Variants in SPATA31C2 observed in about 807,000 individuals in gnomAD.
SPATA31C2 encodes the protein SPATA31 subfamily C member 2, also known as spermatogenesis-associated protein 31C2.
SPATA31C2 carries 5 observed loss-of-function variants against 11.4 expected under a neutral mutation model. That is an observed-to-expected ratio of 0.44 (90% confidence interval 0.23 to 0.92). SPATA31C2 has a LOEUF of 0.92. SPATA31C2 is among the 40% of genes least tolerant of loss of function. The pLI, the probability that SPATA31C2 is intolerant of heterozygous loss-of-function variation, is 0.24. For synonymous variants in SPATA31C2, 515 were observed against 538.7 expected (o/e 0.96, Z 0.61); for missense variants, 1,353 against 1,368.6 (o/e 0.99, Z 0.18).
At position 88,130,452 on chromosome 9, in the gene SPATA31C2, C is replaced by A. The variant is rs765727116; in HGVS notation, c.2585G>T (p.Gly862Val). 2 of 1,613,306 alleles carry A rather than the reference C, an allele frequency of 1.2e-6. No individual in the cohort carries two copies. Among genetic ancestry groups the A allele is most frequent in the Admixed American group, 1.7e-5 (1 of 59,954 alleles). Residue 862 changes from glycine to valine, a missense_variant, in exon 4 of 4, where the codon GGA (glycine) becomes GTA (valine). Physicochemically the swap from Gly to Val is moderately radical, Grantham distance 109 (BLOSUM62 -3). This residue lies in a region of SPATA31C2 where 1,075 missense variants were observed against 992.8 expected (regional missense o/e 1.08). Transcript: ENST00000324915. ...MEEAVSEFEP[G>V]KATKSETQPQ... ...CTGGGTCTCTGACTTCGTGGCCTTT[C>A]CAGGCTCAAATTCACTAACAGCCTC...
chr9:88,132,878 C>T, intron 3 of SPATA31C2, 88 bp downstream of exon 3: 1 of 1,327,434 alleles, frequency 7.5e-7, no homozygotes, highest in Non-Finnish European at 1.0e-6. Context: ...CTGGTCTCTC[C>T]ATCCCAGGTC....
chr9:88,129,703 C>G lies in SPATA31C2; in HGVS notation c.3334G>C (p.Ala1112Pro), dbSNP rs775167551. 5.0e-6 allele frequency: 8 copies of G among 1,603,500 alleles called. No individual in the cohort carries two copies. In the African/African-American group the frequency reaches 1.1e-4, roughly 21 times the overall value. Residue 1112 changes from alanine (A) to proline (P), a missense_variant, in exon 4 of 4, where the codon GCC (alanine) becomes CCC (proline). By Grantham distance (27) the Ala-to-Pro change is conservative. This residue lies in a region of SPATA31C2 where 187 missense variants were observed against 205.8 expected (regional missense o/e 0.91). Transcript: ENST00000324915. ...TTGAGAGTGGCTTGTTGACTGCTGG[C>G]TGCATAGCTCAGCATTCTGCTGTGT... Reference protein sequence around the residue: ...SEHSRMLSYAASSQQATLKNQ... With the variant: ...SEHSRMLSYAPSSQQATLKNQ...
Position 88,131,855 on chromosome 9 carries a change from A to G in SPATA31C2, c.1182T>C (p.Thr394=). The G allele has an allele frequency of 6.2e-7, 1 of 1,611,068 alleles. No individual in the cohort carries two copies. The highest frequency in any genetic ancestry group is 8.5e-7 in the Non-Finnish European group (1 of 1,179,188). The part of the protein sequence containing the change: ...NKVQALSLPE[T]QHPERPLLKK... ...TCAACAAAGGCCTTTCAGGGTGCTG[A>G]GTTTCAGGTAGGGAGAGAGCTTGCA... The change falls in exon 4 of 4, where the codon ACT becomes ACC. Residue 394 remains threonine (T), a synonymous_variant. Transcript: ENST00000324915.
intron 1 of SPATA31C2, among the ~76,000 whole-genome samples, chr9:88,136,756 C>G (rs1825687745): frequency 1.5e-5 from 2 of 134,112 alleles, no homozygotes; most frequent in South Asian, 2.4e-4. Flanking sequence ...TTCTTATTGT[C>G]TACCATCCCC....
rs768366958 is a variant in SPATA31C2 at position 88,129,841 on chromosome 9, TCTC to T, written c.3193_3195del (p.Glu1065del). The stretch of plus-strand genomic sequence containing the variant: ...TGGCGCGCATGGCAAAGTGACATGT[TCTC>T]CTCCAGTATCTGTCCAACTGCTGTC... On this transcript the variant is annotated inframe_deletion, in exon 4 of 4. Transcript: ENST00000324915. 3.7e-6 allele frequency: 6 copies of T among 1,604,824 alleles called. No individual in the cohort carries two copies. The highest frequency in any genetic ancestry group is 2.2e-5 in the South Asian group (2 of 90,972).
Position 88,131,455 on chromosome 9 carries a change from G to T in SPATA31C2, c.1582C>A (p.Leu528Ile), listed in dbSNP as rs746411632. 28 of 1,611,788 alleles carry T rather than the reference G, an allele frequency of 1.7e-5. No homozygotes were observed. In the South Asian group the frequency reaches 2.9e-4, roughly 16 times the overall value. Residue 528 changes from leucine (L) to isoleucine (I), a missense_variant, in exon 4 of 4, where the codon CTA (leucine) becomes ATA (isoleucine). Coordinates refer to ENST00000324915, the MANE Select transcript of SPATA31C2 (RefSeq NM_001350978.3). Reference protein sequence around the residue: ...GQILGETPQNLSRGMESFPGK... With the variant: ...GQILGETPQNISRGMESFPGK... ...GGGAAGCTTTCCATGCCCCTGGATA[G>T]ATTTTGTGGGGTCTCACCCAGAATT...
In SPATA31C2 at chr9:88,130,939, T is replaced by C. The variant is rs748447025; in HGVS notation, c.2098A>G (p.Lys700Glu). The change falls in exon 4 of 4, where the codon AAA becomes GAA. Residue 700 changes from lysine to glutamate, a missense_variant. Lys to Glu is a moderately conservative substitution (Grantham distance 56). This residue lies in a region of SPATA31C2 where 1,075 missense variants were observed against 992.8 expected (regional missense o/e 1.08). Transcript: ENST00000324915. ...CCAAGGAACGTGGCCACCTCAACTT[T>C]TGAGCCAGCCCCAGATTCGCAGGTG... ...SDTCESGAGS[K>E]VEVATFLGEP... 16 of 1,613,466 alleles carry C rather than the reference T, an allele frequency of 9.9e-6. No individual in the cohort carries two copies. In the African/African-American group the frequency reaches 2.1e-4, roughly 22 times the overall value.
Position 88,132,757 on chromosome 9 carries a change from C to T in SPATA31C2, c.327-47G>A, listed in dbSNP as rs373421981. The stretch of plus-strand genomic sequence containing the variant: ...AGCTGCAGCCAGGAGCAGATGGGTT[C>T]GGAGGGCAGAGTGGGCGCTTGGGCC... On this transcript the variant is annotated intron_variant, in intron 3 of 3. Coordinates refer to ENST00000324915, the MANE Select transcript of SPATA31C2 (RefSeq NM_001350978.3). 218 of 1,570,346 alleles carry T rather than the reference C, an allele frequency of 1.4e-4. 4 individuals are homozygous for T. In the African/African-American group the frequency reaches 2.3e-3, roughly 17 times the overall value.
rs1825676829 is a variant in SPATA31C2 at position 88,136,076 on chromosome 9, G to A, written c.189+2182C>T. Among the ~76,000 whole-genome samples, 4 of 137,626 alleles carry A rather than the reference G, an allele frequency of 2.9e-5. No homozygotes were observed. In the South Asian group the frequency reaches 9.3e-4, roughly 32 times the overall value. The allele number at this position is 137,626 out of a possible 152,430, so 90.3% of individuals were successfully genotyped here. Reference sequence around the variant, plus strand: ...AGCCTCCCGAGTAGCTGGGACTACAGGCATGTGCTACCACGCCCGGCTAAT... The same window carrying A: ...AGCCTCCCGAGTAGCTGGGACTACAAGCATGTGCTACCACGCCCGGCTAAT... On this transcript the variant is annotated intron_variant, in intron 1 of 3. Transcript: ENST00000324915.
chr9:88,133,856 A>G (rs534226724), intron 1 of SPATA31C2, among the ~76,000 whole-genome samples, 187 bp from the exon 2 acceptor site: 1 of 152,250 alleles, frequency 6.6e-6, no homozygotes, highest in African/African-American at 2.4e-5. Context: ...AAACAGGAAG[A>G]GGGGGTCGGG....
At chr9:88,133,804 C>A (rs1353790027) in intron 1 of SPATA31C2, 135 bp from the exon 2 acceptor site, 5 of 1,330,384 alleles carry the variant, frequency 3.8e-6, no homozygotes, top group Middle Eastern at 1.9e-4. Context: ...TTCCTCCCCT[C>A]CCACTCATGT....
intron 2 of SPATA31C2, 125 bp downstream of exon 2, chr9:88,133,469 C>T: frequency 7.5e-7 from 1 of 1,330,976 alleles, no homozygotes; most frequent in Non-Finnish European, 1.0e-6. Flanking sequence ...TGAGAAGGAC[C>T]CAGGGTTCTG....
At position 88,132,331 on chromosome 9, in the gene SPATA31C2, G is replaced by A. The variant is rs376631628; in HGVS notation, c.706C>T (p.Arg236Trp). The change falls in exon 4 of 4, where the codon CGG (arginine) becomes TGG (tryptophan). Residue 236 changes from arginine to tryptophan, a missense_variant. Transcript: ENST00000324915. ...GATGGTGTTAACAGAGTGGAGTCCC[G>A]CAGGGGAGGAGGAGTGAAGCCTTTC... ...PPKGFTPPPLRDSTLLTPSHC... is the reference protein window; with the variant it reads ...PPKGFTPPPLWDSTLLTPSHC... 1.1e-4 allele frequency: 178 copies of A among 1,610,810 alleles called. 3 individuals are homozygous for A. In the East Asian group the frequency reaches 1.9e-3, roughly 17 times the overall value.
At chr9:88,134,013 G>A (rs1323366705) in intron 1 of SPATA31C2, among the ~76,000 whole-genome samples, 5 of 151,382 alleles carry the variant, frequency 3.3e-5, no homozygotes, top group Non-Finnish European at 7.4e-5. Context: ...AATTAGCCAG[G>A]CGTGGTGGCG....
intron 1 of SPATA31C2, among the ~76,000 whole-genome samples, chr9:88,137,238 T>C (rs1825693407): frequency 6.7e-6 from 1 of 148,726 alleles, no homozygotes; most frequent in Non-Finnish European, 1.5e-5. Flanking sequence ...TTGAAAAAAG[T>C]GCAATATCGG....
At chr9:88,135,222 C>T (rs1310930479) in intron 1 of SPATA31C2, among the ~76,000 whole-genome samples, 1 of 123,888 alleles carries the variant, frequency 8.1e-6, no homozygotes, top group Non-Finnish European at 1.6e-5. Context: ...TATTCTTTCT[C>T]CCTGGAACAC....
In SPATA31C2 at chr9:88,130,621, C is replaced by A. The variant is rs768038925; in HGVS notation, c.2416G>T (p.Val806Phe). 38 of 1,613,640 alleles carry A rather than the reference C, an allele frequency of 2.4e-5. No individual in the cohort carries two copies. The highest frequency in any genetic ancestry group is 3.1e-5 in the Non-Finnish European group (36 of 1,179,798). ...ETREAVPQPT[V>F]PLGTCMRANL... ...GCTCTCATACAGGTTCCCAAGGGGA[C>A]TGTGGGTTGTGGCACTGCCTCCCTG... The change falls in exon 4 of 4, where the codon GTC becomes TTC. Residue 806 changes from valine to phenylalanine, a missense_variant. Val to Phe is a conservative substitution (Grantham distance 50). This residue lies in a region of SPATA31C2 where 1,075 missense variants were observed against 992.8 expected (regional missense o/e 1.08). Coordinates refer to ENST00000324915, the MANE Select transcript of SPATA31C2 (RefSeq NM_001350978.3).
chr9:88,136,513 C>T (rs1292911426), intron 1 of SPATA31C2, among the ~76,000 whole-genome samples: 1 of 147,042 alleles, frequency 6.8e-6, no homozygotes, highest in East Asian at 2.0e-4. Flanking sequence ...TCTTTATTAA[C>T]AGGCTCTTAT....
At position 88,131,109 on chromosome 9, in the gene SPATA31C2, T is replaced by A; in HGVS notation, c.1928A>T (p.Gln643Leu). The A allele has an allele frequency of 6.2e-7, 1 of 1,612,034 alleles. No individual in the cohort carries two copies. The highest frequency in any genetic ancestry group is 8.5e-7 in the Non-Finnish European group (1 of 1,179,864). ...CACAATATGGGCTCCCAGCACCTGCTGAGTACACGGCTCAAGGAAGGAAAG... is the reference window on the plus strand; with the variant it reads ...CACAATATGGGCTCCCAGCACCTGCAGAGTACACGGCTCAAGGAAGGAAAG... ...QVLSFLEPCT[Q>L]QVLGAHIVRF... is the part of the protein sequence containing the mutation. The change falls in exon 4 of 4, where the codon CAG becomes CTG. Residue 643 changes from glutamine to leucine, a missense_variant. By Grantham distance (113) the Gln-to-Leu change is moderately radical. This residue lies in a region of SPATA31C2 where 1,075 missense variants were observed against 992.8 expected (regional missense o/e 1.08). Transcript: ENST00000324915.
Sources: gnomAD v4.1 joint callset for allele counts (sites outside exome capture counted in the v4.1 genomes callset) on GRCh38, gnomAD v4.1.1 for gene constraint, gnomAD v4.1.1 regional missense constraint, MANE v1.5 for transcripts, NCBI Gene and HGNC (gene_info 2026-07-23, HGNC 2026-07-21) for gene names.